The following VAV2 variants were observed in gnomAD, a reference collection of about 807,000 sequenced individuals.
The protein encoded by VAV2 is guanine nucleotide exchange factor VAV2.
Under a neutral mutation model 132.5 loss-of-function variants are expected in VAV2, and 67 were observed. That is an observed-to-expected ratio of 0.51 (90% confidence interval 0.42 to 0.62). The LOEUF (loss-of-function observed/expected upper bound fraction) is 0.62. Among genes scored for constraint, VAV2 ranks in the 20% least tolerant of loss-of-function variants. The pLI, the probability that VAV2 is intolerant of heterozygous loss-of-function variation, is 0.00. For missense variants in VAV2, 938 were observed against 1,153.6 expected (o/e 0.81, Z 2.71); for synonymous variants, 492 against 443.5 (o/e 1.11, Z -1.37).
intron 2 of VAV2, among the ~76,000 whole-genome samples, chr9:133,877,830 C>T (rs1251475205): frequency 1.3e-5 from 2 of 151,422 alleles, no homozygotes; most frequent in Admixed American, 6.5e-5. Context: ...TCTAACACTA[C>T]GGCAATAACT....
At position 133,883,662 on chromosome 9, in the gene VAV2, G is replaced by T. The variant is rs1838589270; in HGVS notation, c.322-22230C>A. Among the ~76,000 whole-genome samples, 1 of 152,212 alleles carries T rather than the reference G, an allele frequency of 6.6e-6. No individual in the cohort carries two copies. Among genetic ancestry groups the T allele is most frequent in the South Asian group, 2.1e-4 (1 of 4,832 alleles). On this transcript the variant is annotated intron_variant, in intron 2 of 29. Transcript: ENST00000371850. This position sits in a 1 kb window ranked among gnomAD's most constrained non-coding sequence, Gnocchi z 4.2. ...CAGGCCCTCAGGCACTGGACCTGGG[G>T]AGGCTTCCGGTCACCTGTGCAATGC...
chr9:133,800,672 G>C (rs1834895445), intron 9 of VAV2, among the ~76,000 whole-genome samples: 1 of 152,204 alleles, frequency 6.6e-6, no homozygotes, highest in Admixed American at 6.5e-5. Context: ...AGCAGCTCTA[G>C]TGTGGCCAAA....
chr9:133,942,477 G>C (rs994248399), intron 1 of VAV2, among the ~76,000 whole-genome samples: 4 of 152,286 alleles, frequency 2.6e-5, no homozygotes, highest in African/African-American at 9.6e-5. Flanking sequence ...CTGGAGCTGG[G>C]AGCAGGCCTG....
chr9:133,973,315 C>T (rs571498062), intron 1 of VAV2, among the ~76,000 whole-genome samples: 3 of 152,298 alleles, frequency 2.0e-5, no homozygotes, highest in Admixed American at 6.5e-5. Context: ...CGCTGTACCG[C>T]GAAACTCGGA....
rs1835902888 is a variant in VAV2 at position 133,824,296 on chromosome 9, C to G, written c.449+9976G>C. On this transcript the variant is annotated intron_variant, in intron 4 of 29. Coordinates refer to ENST00000371850, the MANE Select transcript of VAV2 (RefSeq NM_001134398.2). This position sits in a 1 kb window ranked among gnomAD's most constrained non-coding sequence, Gnocchi z 5.2. ...GTCTAGACCACAGGAGCGAGAAAGG[C>G]TGGACTGCCTACAGAGGATCCCCAC... is the stretch of plus-strand genomic sequence containing the variant. Among the ~76,000 whole-genome samples, 1 of 152,154 alleles carries G rather than the reference C, an allele frequency of 6.6e-6. No individual in the cohort carries two copies. The highest frequency in any genetic ancestry group is 1.5e-5 in the Non-Finnish European group (1 of 68,022).
Position 133,958,320 on chromosome 9 carries a change from C to T in VAV2, c.205-19101G>A, listed in dbSNP as rs554777098. ...TGTCTCGGTATAAAACCGGATTGTACGTTCCATCTACTGAGATAGGGAAAA... is the reference window on the plus strand; with the variant it reads ...TGTCTCGGTATAAAACCGGATTGTATGTTCCATCTACTGAGATAGGGAAAA... On this transcript the variant is annotated intron_variant, in intron 1 of 29. Transcript: ENST00000371850. 1.0e-4 allele frequency among the ~76,000 whole-genome samples: 15 copies of T among 144,246 alleles called. No homozygotes were observed. In the East Asian group the frequency reaches 2.0e-3, roughly 20 times the overall value. The allele number at this position is 144,246 out of a possible 152,430, so 94.6% of individuals were successfully genotyped here.
chr9:133,837,542 C>CA (rs1313031037), intron 3 of VAV2, among the ~76,000 whole-genome samples: 2 of 151,876 alleles, frequency 1.3e-5, no homozygotes, highest in South Asian at 2.1e-4. Context: ...ACTAAAAATA[C>CA]AAAAAAATTA....
At chr9:133,821,574 CTCAT>C (rs756748661) in intron 4 of VAV2, among the ~76,000 whole-genome samples, 55 of 152,190 alleles carry the variant, frequency 3.6e-4, no homozygotes, top group Non-Finnish European at 7.2e-4. Context: ...AAAGGAGGGG[CTCAT>C]TCAATGAGAC....
In VAV2 at chr9:133,789,996, CA is replaced by C. The variant is rs532672262; in HGVS notation, c.1189-654del. ...GAGGCACAGGCTCAGTGTCTCCTTCCAAGGTCTCAGCCCCAGAGGCTGCAAG... is the reference window on the plus strand; with the variant it reads ...GAGGCACAGGCTCAGTGTCTCCTTCCAGGTCTCAGCCCCAGAGGCTGCAAG... On this transcript the variant is annotated intron_variant, in intron 13 of 29. Transcript: ENST00000371850. Among the ~76,000 whole-genome samples the C allele has an allele frequency of 1.8e-4, 28 of 152,336 alleles. No homozygotes were observed. The South Asian group carries it at 5.8e-3, about 32-fold the overall frequency.
At chr9:133,800,998 A>G (rs996337615) in intron 9 of VAV2, among the ~76,000 whole-genome samples, 1 of 152,206 alleles carries the variant, frequency 6.6e-6, no homozygotes, top group African/African-American at 2.4e-5. Context: ...GTGGGAGCCC[A>G]AAGAGGAGAC....
intron 16 of VAV2, 116 bp from the exon 17 acceptor site, chr9:133,786,001 C>T (rs1285962155): frequency 1.2e-6 from 1 of 842,734 alleles, no homozygotes; most frequent in Non-Finnish European, 1.9e-6. Flanking sequence ...CATATGTGCA[C>T]AGGTGCCTGT....
At chr9:133,856,052 C>T (rs758673146) in intron 3 of VAV2, among the ~76,000 whole-genome samples, 2 of 152,194 alleles carry the variant, frequency 1.3e-5, no homozygotes, top group Non-Finnish European at 2.9e-5. Context: ...AAGCCACGTG[C>T]GAAAGGCACG....
chr9:133,848,144 G>C (rs1837012253), intron 3 of VAV2, among the ~76,000 whole-genome samples: 1 of 151,688 alleles, frequency 6.6e-6, no homozygotes, highest in South Asian at 2.1e-4. Flanking sequence ...GCTGGGTGTA[G>C]TGGCGGGCGC....
intron 19 of VAV2, among the ~76,000 whole-genome samples, chr9:133,783,055 A>ATG (rs145191354): frequency 2.6e-5 from 4 of 152,126 alleles, no homozygotes; most frequent in African/African-American, 4.8e-5. Flanking sequence ...GTATGCGTGC[A>ATG]TGTGTGTGTG....
chr9:133,869,881 C>G (rs1486857397), intron 2 of VAV2, among the ~76,000 whole-genome samples: 9 of 152,262 alleles, frequency 5.9e-5, no homozygotes, highest in Non-Finnish European at 1.5e-5. Context: ...TTATCAAACT[C>G]ATTTGAATAT....
intron 24 of VAV2, 92 bp from the exon 25 acceptor site, chr9:133,775,143 T>A: frequency 9.8e-7 from 1 of 1,019,492 alleles, no homozygotes; most frequent in Non-Finnish European, 1.4e-6. Context: ...CCACATGAAG[T>A]ACTCTGCAGT....
rs144269361 is a variant in VAV2 at position 133,776,048 on chromosome 9, G to C, written c.1998C>G (p.Ile666Met). ...CTCACCAGGGGTATGCAGTGTAGTCGATCTCCCGGGATGGCGGCCGGCTGA... is the reference window on the plus strand; with the variant it reads ...CTCACCAGGGGTATGCAGTGTAGTCCATCTCCCGGGATGGCGGCCGGCTGA... ...PPISRPPSREIDYTAYPWFAG... is the reference protein window; with the variant it reads ...PPISRPPSREMDYTAYPWFAG... The change falls in exon 24 of 30, where the codon ATC (isoleucine) becomes ATG (methionine). Residue 666 changes from isoleucine (I) to methionine (M), a missense_variant. Physicochemically the swap from Ile to Met is conservative, Grantham distance 10. Coordinates refer to ENST00000371850, the MANE Select transcript of VAV2 (RefSeq NM_001134398.2). The C allele has an allele frequency of 3.4e-4, 547 of 1,612,920 alleles. No individual in the cohort carries two copies. Among genetic ancestry groups the C allele is most frequent in the Non-Finnish European group, 4.1e-4 (484 of 1,179,656 alleles).
In VAV2 at chr9:133,912,067, C is replaced by T. The variant is rs887206260; in HGVS notation, c.321+27036G>A. Among the ~76,000 whole-genome samples, 7 of 152,196 alleles carry T rather than the reference C, an allele frequency of 4.6e-5. No individual in the cohort carries two copies. Among genetic ancestry groups the T allele is most frequent in the African/African-American group, 9.7e-5 (4 of 41,444 alleles). On this transcript the variant is annotated intron_variant, in intron 2 of 29. Coordinates refer to ENST00000371850, the MANE Select transcript of VAV2 (RefSeq NM_001134398.2). This position sits in a 1 kb window ranked among gnomAD's most constrained non-coding sequence, Gnocchi z 4.3. ...ATTAGGCCTGGCATCCATTAGCTAT[C>T]TTTCCTGATCTCCTCCCTGCCCTCC... is the stretch of plus-strand genomic sequence containing the variant.
intron 3 of VAV2, among the ~76,000 whole-genome samples, chr9:133,844,480 C>T (rs570350821): frequency 6.6e-6 from 1 of 152,234 alleles, no homozygotes; most frequent in East Asian, 1.9e-4. Context: ...AGGACAGGGG[C>T]GTTGCGGCCC....
Sources: allele counts gnomAD v4.1 joint callset (sites outside exome capture counted in the v4.1 genomes callset), GRCh38; gene constraint gnomAD v4.1.1; non-coding constraint Gnocchi (gnomAD v3.1); transcripts MANE v1.5; gene names NCBI Gene and HGNC (gene_info 2026-07-23, HGNC 2026-07-21).